PDS5B: variants seen among roughly 807,000 people sequenced by gnomAD.
PDS5B encodes the protein PDS5 cohesin associated factor B.
Under a neutral mutation model 184.1 loss-of-function variants are expected in PDS5B, and 51 were observed. The ratio of observed to expected loss-of-function variants is 0.28; its 90% CI spans 0.22 to 0.35. The LOEUF is 0.35. Among genes scored for constraint, PDS5B ranks in the 10% least tolerant of loss-of-function variants. PDS5B has a pLI of 1.00. For synonymous variants in PDS5B, 566 were observed against 569.2 expected, an observed-to-expected ratio of 0.99 and a Z score of 0.08; for missense variants, 1,180 against 1,723.3, an observed-to-expected ratio of 0.68 and a Z score of 5.58.
chr13:32,773,797 T>C (rs1954869567), intron 34 of PDS5B, among the ~76,000 whole-genome samples: 1 of 152,154 alleles, frequency 6.6e-6, no homozygotes, highest in African/African-American at 2.4e-5. Context: ...AGGTATGTGT[T>C]ACTTCCTGAC....
intron 19 of PDS5B, among the ~76,000 whole-genome samples, chr13:32,718,805 A>T (rs1464565024): frequency 6.6e-6 from 1 of 152,204 alleles, no homozygotes; most frequent in Non-Finnish European, 1.5e-5. Flanking sequence ...ACCAACAATC[A>T]TTTACATTAT....
chr13:32,719,789 C>A (rs1224021868), intron 19 of PDS5B, among the ~76,000 whole-genome samples: 1 of 150,762 alleles, frequency 6.6e-6, no homozygotes, highest in South Asian at 2.1e-4. Context: ...AAGACCCCCC[C>A]CCCTTTTTTT....
chr13:32,641,772 C>T (rs906201275), intron 1 of PDS5B, among the ~76,000 whole-genome samples: 1 of 152,134 alleles, frequency 6.6e-6, no homozygotes, highest in African/African-American at 2.4e-5. Flanking sequence ...AAAGCATGAA[C>T]AATAAATTGT....
intron 10 of PDS5B, among the ~76,000 whole-genome samples, chr13:32,682,334 G>C (rs1188150199): frequency 6.6e-6 from 1 of 152,038 alleles, no homozygotes; most frequent in Non-Finnish European, 1.5e-5. Flanking sequence ...TATTTCTGTA[G>C]GTTAGTTTTG....
intron 1 of PDS5B, among the ~76,000 whole-genome samples, chr13:32,623,596 G>A (rs1204036933): frequency 1.3e-5 from 2 of 152,112 alleles, no homozygotes. Flanking sequence ...AGTCAGTTAT[G>A]TTAGATTTCT....
intron 26 of PDS5B, among the ~76,000 whole-genome samples, 157 bp downstream of exon 26, chr13:32,756,113 C>T (rs1177338211): frequency 1.3e-5 from 2 of 151,776 alleles, no homozygotes; most frequent in Non-Finnish European, 2.9e-5. Flanking sequence ...TTTTTTCATA[C>T]CATCTCTTTA....
chr13:32,702,590 A>G (rs1951893225), intron 17 of PDS5B, among the ~76,000 whole-genome samples: 1 of 152,208 alleles, frequency 6.6e-6, no homozygotes, highest in Admixed American at 6.5e-5. Flanking sequence ...CTAAGGGATA[A>G]TATTTCACCT....
chr13:32,635,223 TG>T (rs369466967), intron 1 of PDS5B, among the ~76,000 whole-genome samples: 2 of 126,116 alleles, frequency 1.6e-5, no homozygotes, highest in African/African-American at 6.1e-5. Flanking sequence ...TTTGTGGAGA[TG>T]GGGGGGTCTC....
rs1954848142 is a variant in PDS5B, at chr13:32,773,201, C to G, written c.4185C>G (p.Arg1395=). The change falls in exon 34 of 35, where the codon CGC becomes CGG. Residue 1395 remains arginine (R), a synonymous_variant. Transcript: ENST00000315596. ...SQPKKNVRVG[R]SKQAATKEND... ...TGTTTTACTCTAGCCGTGTAGGACG[C>G]TCCAAACAAGCAGCTACTAAGGAAA... 1.9e-6 allele frequency: 3 copies of G among 1,611,826 alleles called. No homozygotes were observed. Among genetic ancestry groups the G allele is most frequent in the African/African-American group, 2.7e-5 (2 of 74,884 alleles).
chr13:32,768,085 A>G lies in PDS5B; in HGVS notation c.3625-2036A>G, dbSNP rs570419894. Among the ~76,000 whole-genome samples the G allele has an allele frequency of 5.3e-5, 8 of 152,352 alleles. No individual in the cohort carries two copies. The East Asian group carries it at 1.5e-3, about 29-fold the overall frequency. Reference sequence around the variant, plus strand: ...ACATTCTGTTCTAAAACAATACACAATAATGTCTTAGTCAGCTCAAGCTGC... The same window carrying G: ...ACATTCTGTTCTAAAACAATACACAGTAATGTCTTAGTCAGCTCAAGCTGC... On this transcript the variant is annotated intron_variant, in intron 31 of 34. Coordinates refer to ENST00000315596, the MANE Select transcript of PDS5B (RefSeq NM_015032.4).
intron 9 of PDS5B, 81 bp from the exon 10 acceptor site, chr13:32,678,754 T>C: frequency 5.0e-6 from 4 of 806,476 alleles, no homozygotes; most frequent in East Asian, 2.6e-5. Context: ...TTTAATTAGA[T>C]AAATGTAAAT....
intron 13 of PDS5B, chr13:32,690,200 T>G (rs1951509574): frequency 6.6e-6 from 1 of 152,156 alleles, no homozygotes; most frequent in Non-Finnish European, 1.5e-5. Flanking sequence ...TAGGCCAATA[T>G]TTAGCCAGTA....
At chr13:32,744,773 T>A (rs1034046159) in intron 23 of PDS5B, among the ~76,000 whole-genome samples, 46 of 152,176 alleles carry the variant, frequency 3.0e-4, no homozygotes, top group Non-Finnish European at 4.1e-4. Context: ...TCCTACAACT[T>A]TAGAAACTTA....
chr13:32,764,641 C>CA (rs771266281), intron 31 of PDS5B, 47 bp downstream of exon 31: 1 of 1,056,780 alleles, frequency 9.5e-7, no homozygotes, highest in Admixed American at 2.3e-5. Context: ...GATAATTTTA[C>CA]TTAGTAATGT....
Position 32,699,834 on chromosome 13 carries a change from C to A in PDS5B, c.1705C>A (p.Pro569Thr). ...IRKQLEVLVS[P>T]TCSCKQAEGC... ...AAAGCAGTTAGAAGTACTTGTTAGT[C>A]CAACATGCTCCTGCAAGCAGGCTGA... Residue 569 changes from proline to threonine, a missense_variant, in exon 16 of 35, where the codon CCA becomes ACA. Pro to Thr is a conservative substitution (Grantham distance 38, BLOSUM62 -1). This residue lies in a region of PDS5B where 475 missense variants were observed against 691.5 expected (regional missense o/e 0.69). Transcript: ENST00000315596. The A allele has an allele frequency of 6.4e-7, 1 of 1,574,800 alleles. No individual in the cohort carries two copies. Among genetic ancestry groups the A allele is most frequent in the Non-Finnish European group, 8.6e-7 (1 of 1,164,776 alleles).
Position 32,616,138 on chromosome 13 carries a change from C to T in PDS5B, c.-20+29545C>T, listed in dbSNP as rs2058215616. ...GCGCGATCTTGGCTCACTGCAAACT[C>T]TGCCTCCTGGGTTCAAGCGATTCTC... On this transcript the variant is annotated intron_variant, in intron 1 of 34. Transcript: ENST00000315596. 2.0e-5 allele frequency among the ~76,000 whole-genome samples: 3 copies of T among 151,932 alleles called. No homozygotes were observed. In the South Asian group the frequency reaches 6.2e-4, roughly 32 times the overall value.
intron 19 of PDS5B, among the ~76,000 whole-genome samples, chr13:32,727,395 C>G (rs967716888): frequency 2.0e-5 from 3 of 152,072 alleles, no homozygotes; most frequent in Non-Finnish European, 4.4e-5. Context: ...CCATTTCTGT[C>G]ACTTTTCATT....
At chr13:32,759,947 G>A (rs1301596149) in intron 29 of PDS5B, among the ~76,000 whole-genome samples, 5 of 151,248 alleles carry the variant, frequency 3.3e-5, no homozygotes, top group Admixed American at 6.7e-5. Flanking sequence ...TTAATATCAA[G>A]ATAAAAAAAA....
chr13:32,750,171 C>G (rs1953920921), intron 24 of PDS5B, among the ~76,000 whole-genome samples: 1 of 152,146 alleles, frequency 6.6e-6, no homozygotes, highest in South Asian at 2.1e-4. Context: ...TCACAGTTCT[C>G]TAACATCACT....
Sources: gnomAD v4.1 joint callset for allele counts (sites outside exome capture counted in the v4.1 genomes callset) on GRCh38, gnomAD v4.1.1 for gene constraint, gnomAD v4.1.1 regional missense constraint, MANE v1.5 for transcripts, NCBI Gene and HGNC (gene_info 2026-07-23, HGNC 2026-07-21) for gene names.